The following ARIH2 variants were observed in gnomAD, a reference collection of about 807,000 sequenced individuals.
ARIH2 encodes the protein ariadne RBR E3 ubiquitin protein ligase 2.
ARIH2 carries 12 observed loss-of-function variants against 79.8 expected under a neutral mutation model. The ratio of observed to expected loss-of-function variants is 0.15; its 90% CI spans 0.10 to 0.24. The LOEUF (loss-of-function observed/expected upper bound fraction) is 0.24, where lower values mean the gene tolerates loss of function less well. ARIH2 is among the 10% of genes least tolerant of loss of function. The probability of loss-of-function intolerance (pLI) is 1.00; values close to 1 mark genes in which losing one functional copy is unlikely to be tolerated. For synonymous variants in ARIH2, 224 were observed against 213.9 expected (o/e 1.05, Z -0.41); for missense variants, 301 against 618.3 (o/e 0.49, Z 5.44).
intron 1 of ARIH2, among the ~76,000 whole-genome samples, chr3:48,920,417 T>C: frequency 7.5e-6 from 1 of 132,470 alleles, no homozygotes; most frequent in Admixed American, 8.4e-5. Context: ...TGGAGTTCTC[T>C]CTCTTTTTTT....
rs192388902 is a variant in ARIH2, at chr3:48,982,290, A to G, written c.1326+562A>G. On this transcript the variant is annotated intron_variant, in intron 14 of 15. Coordinates refer to ENST00000356401, the MANE Select transcript of ARIH2 (RefSeq NM_006321.4). Reference sequence around the variant, plus strand: ...AGGTTATATATAACATTTTATTGTTATAACAGTTTATTGTTATAGCTGTTA... The same window carrying G: ...AGGTTATATATAACATTTTATTGTTGTAACAGTTTATTGTTATAGCTGTTA... Among the ~76,000 whole-genome samples the G allele has an allele frequency of 1.8e-3, 278 of 152,346 alleles. 1 individual carries two copies. The highest frequency in any genetic ancestry group is 3.1e-3 in the Non-Finnish European group (212 of 68,030).
chr3:48,932,320 G>A (rs970806108), intron 3 of ARIH2, among the ~76,000 whole-genome samples: 21 of 152,234 alleles, frequency 1.4e-4, no homozygotes, highest in Non-Finnish European at 2.4e-4. Flanking sequence ...TGATTGCCAA[G>A]TGAGGTGTTG....
In ARIH2 at chr3:48,966,985, CAG is replaced by C. The variant is rs2091843939; in HGVS notation, c.388-137_388-136del. 3.3e-6 allele frequency: 3 copies of C among 917,706 alleles called. No individual in the cohort carries two copies. The South Asian group carries it at 5.1e-5, about 16-fold the overall frequency. 56.8% of individuals were successfully genotyped at this position (917,706 alleles called of 1,614,324 possible). On this transcript the variant is annotated intron_variant, in intron 5 of 15. Transcript: ENST00000356401. ...CTTTTAGCTTAGTACCCTTGGGACT[CAG>C]AGTCCACACATTGCAGTTGAGCTCT...
At position 48,983,221 on chromosome 3, in the gene ARIH2, T is replaced by C; in HGVS notation, c.1433T>C (p.Ile478Thr). Reference sequence around the variant, plus strand: ...CAGGACTTGGAGAACCAGATGCATATAGCGGAGCAGCGGAGGAGAACCCTG... The same window carrying C: ...CAGGACTTGGAGAACCAGATGCATACAGCGGAGCAGCGGAGGAGAACCCTG... ...DRGDLENQMH[I>T]AEQRRRTLLK... Residue 478 changes from isoleucine (I) to threonine (T), a missense_variant, in exon 16 of 16, where the codon ATA (isoleucine) becomes ACA (threonine). Physicochemically the swap from Ile to Thr is moderately conservative, Grantham distance 89. This residue lies in a region of ARIH2 where 78 missense variants were observed against 268.9 expected (regional missense o/e 0.29). Coordinates refer to ENST00000356401, the MANE Select transcript of ARIH2 (RefSeq NM_006321.4). 6.2e-7 allele frequency: 1 copy of C among 1,614,224 alleles called. No individual in the cohort carries two copies. Among genetic ancestry groups the C allele is most frequent in the Non-Finnish European group, 8.5e-7 (1 of 1,180,040 alleles).
chr3:48,961,729 C>T lies in ARIH2; in HGVS notation c.323+50C>T, dbSNP rs180762235. ...GAACATTGCCCATAGCTCCCCTCTC[C>T]GTGGTGATTATTGTTTACATTTTGG... On this transcript the variant is annotated intron_variant, in intron 4 of 15. Coordinates refer to ENST00000356401, the MANE Select transcript of ARIH2 (RefSeq NM_006321.4). 413 of 1,200,992 alleles carry T rather than the reference C, an allele frequency of 3.4e-4. 1 individual carries two copies. The highest frequency in any genetic ancestry group is 4.9e-4 in the Non-Finnish European group (395 of 806,412). 74.4% of individuals were successfully genotyped at this position (1,200,992 alleles called of 1,614,324 possible). A position where few individuals can be genotyped will look rare whatever the true frequency, so the allele number is the denominator to read the frequency against.
chr3:48,970,423 C>A (rs576267241), intron 7 of ARIH2, among the ~76,000 whole-genome samples, 172 bp from the exon 8 acceptor site: 4 of 152,208 alleles, frequency 2.6e-5, no homozygotes, highest in Non-Finnish European at 5.9e-5. Flanking sequence ...GTTCTAAATT[C>A]CTCTTTAATA....
chr3:48,975,484 A>C (rs555148229), intron 11 of ARIH2, among the ~76,000 whole-genome samples: 10 of 152,350 alleles, frequency 6.6e-5, no homozygotes, highest in Admixed American at 6.5e-4. Flanking sequence ...CTGAAGAAAC[A>C]GAATCCCTTC....
intron 3 of ARIH2, among the ~76,000 whole-genome samples, chr3:48,947,477 A>C (rs1177803060): frequency 1.3e-5 from 2 of 151,962 alleles, no homozygotes; most frequent in Non-Finnish European, 1.5e-5. Flanking sequence ...AAGCCAGAGA[A>C]TATTGTAAAG....
chr3:48,975,993 C>G (rs2092475949), intron 11 of ARIH2, among the ~76,000 whole-genome samples: 1 of 151,898 alleles, frequency 6.6e-6, no homozygotes, highest in Non-Finnish European at 1.5e-5. Flanking sequence ...TGACTGCAAC[C>G]TCCACCTCCT....
chr3:48,967,262 C>CGGCGTG lies in ARIH2; in HGVS notation c.534_538+1dup. Reference sequence around the variant, plus strand: ...AGCACTGCTCAGTTCTCGTCAAGGACGGCGTGGGCGTGGGTGAGTCTGCCA... The same window carrying CGGCGTG: ...AGCACTGCTCAGTTCTCGTCAAGGACGGCGTGGGCGTGGGCGTGGGTGAGTCTGCCA... On this transcript the variant is annotated inframe_insertion, in exon 6 of 16. Coordinates refer to ENST00000356401, the MANE Select transcript of ARIH2 (RefSeq NM_006321.4). The CGGCGTG allele has an allele frequency of 6.2e-7, 1 of 1,613,966 alleles. No homozygotes were observed. The highest frequency in any genetic ancestry group is 8.5e-7 in the Non-Finnish European group (1 of 1,179,914).
intron 3 of ARIH2, among the ~76,000 whole-genome samples, chr3:48,957,130 C>G (rs745859611): frequency 2.6e-5 from 4 of 152,182 alleles, no homozygotes; most frequent in African/African-American, 9.7e-5. Flanking sequence ...TTTGTTCTCA[C>G]CAGAACTCAG....
At chr3:48,927,997 A>G (rs1439217909) in intron 3 of ARIH2, 184 bp downstream of exon 3, 6 of 706,924 alleles carry the variant, frequency 8.5e-6, no homozygotes, top group Non-Finnish European at 1.1e-5. Context: ...ATGCATGTCT[A>G]AGGTCCTCAG....
intron 3 of ARIH2, chr3:48,945,022 A>G (rs2088918273): frequency 1.1e-6 from 1 of 876,488 alleles, no homozygotes; most frequent in Non-Finnish European, 1.6e-6. Context: ...TGATTGGACC[A>G]CGAAGTGGCA....
chr3:48,949,678 G>A (rs1265370728), intron 3 of ARIH2, among the ~76,000 whole-genome samples: 4 of 152,158 alleles, frequency 2.6e-5, no homozygotes, highest in Non-Finnish European at 4.4e-5. Context: ...GTGGTGAAAT[G>A]TCTGTTCAAA....
intron 2 of ARIH2, chr3:48,926,803 G>A (rs1020312528): frequency 6.6e-6 from 1 of 152,260 alleles, no homozygotes; most frequent in Admixed American, 6.5e-5. Flanking sequence ...ACCCACCTTA[G>A]CCTCCCACAG....
chr3:48,961,742 G>A, intron 4 of ARIH2, 63 bp downstream of exon 4: 3 of 1,141,366 alleles, frequency 2.6e-6, no homozygotes, highest in Non-Finnish European at 4.0e-6. Context: ...GGTGATTATT[G>A]TTTACATTTT....
chr3:48,945,256 C>A (rs1043016918), intron 3 of ARIH2: 16 of 1,237,050 alleles, frequency 1.3e-5, no homozygotes, highest in Non-Finnish European at 1.7e-5. Context: ...AGTCTATTTG[C>A]AAGCTATGTT....
intron 14 of ARIH2, 123 bp from the exon 15 acceptor site, chr3:48,982,773 A>C: frequency 1.4e-6 from 1 of 713,442 alleles, no homozygotes; most frequent in Non-Finnish European, 2.5e-6. Flanking sequence ...CTTTCTGAGG[A>C]CAGTATCAGG....
At chr3:48,959,671 A>AG (rs1380391777) in intron 3 of ARIH2, among the ~76,000 whole-genome samples, 13 of 151,076 alleles carry the variant, frequency 8.6e-5, no homozygotes, top group Non-Finnish European at 1.5e-4. Context: ...AAAAAAAAAA[A>AG]AAAAGAAAAG....
Sources: gnomAD v4.1 joint callset for allele counts (sites outside exome capture counted in the v4.1 genomes callset) on GRCh38, gnomAD v4.1.1 for gene constraint, gnomAD v4.1.1 regional missense constraint, MANE v1.5 for transcripts, NCBI Gene and HGNC (gene_info 2026-07-23, HGNC 2026-07-21) for gene names.